SYN3: variants seen among roughly 807,000 people sequenced by gnomAD.
SYN3 encodes synapsin-3.
In SYN3, 35 loss-of-function variants were observed where a neutral mutation model predicts 65.8. The ratio of observed to expected loss-of-function variants is 0.53; its 90% CI spans 0.41 to 0.70. SYN3 has a LOEUF of 0.70. Ranked by LOEUF, SYN3 falls within the 30% of genes least tolerant of loss-of-function variation. The probability of loss-of-function intolerance (pLI) is 0.00; values close to 1 mark genes in which losing one functional copy is unlikely to be tolerated. For synonymous variants in SYN3, 270 were observed against 292.9 expected, an observed-to-expected ratio of 0.92 and a Z score of 0.80; for missense variants, 680 against 749.0, an observed-to-expected ratio of 0.91 and a Z score of 1.08.
chr22:32,972,533 T>C (rs1293752493), intron 3 of SYN3, among the ~76,000 whole-genome samples: 1 of 152,190 alleles, frequency 6.6e-6, no homozygotes, highest in Non-Finnish European at 1.5e-5. Context: ...CCCCAGATCC[T>C]TTTGCCACAT....
At chr22:32,937,334 C>T (rs1431387920) in intron 3 of SYN3, among the ~76,000 whole-genome samples, 1 of 152,156 alleles carries the variant, frequency 6.6e-6, no homozygotes, top group African/African-American at 2.4e-5. Context: ...AAATGCACCG[C>T]TAGGCTTAAC....
At chr22:32,848,657 T>C (rs1382414261) in intron 6 of SYN3, among the ~76,000 whole-genome samples, 1 of 152,138 alleles carries the variant, frequency 6.6e-6, no homozygotes, top group Non-Finnish European at 1.5e-5. Context: ...GTATCAAGAG[T>C]TTCACATTTG....
Position 32,918,873 on chromosome 22 carries a change from C to A in SYN3, c.461+12517G>T, listed in dbSNP as rs61145160. On this transcript the variant is annotated intron_variant, in intron 4 of 13. Coordinates refer to ENST00000358763, the MANE Select transcript of SYN3 (RefSeq NM_003490.4). ...GAGCTAGAAATAGGGAGTGACTGAT[C>A]GAAGGCCTTGCAGCTTGGAGAAGGC... is the stretch of plus-strand genomic sequence containing the variant. 2.6e-5 allele frequency among the ~76,000 whole-genome samples: 4 copies of A among 152,158 alleles called. No homozygotes were observed. In the South Asian group the frequency reaches 8.3e-4, roughly 32 times the overall value.
intron 6 of SYN3, among the ~76,000 whole-genome samples, chr22:32,640,445 A>G (rs2059879380): frequency 6.6e-6 from 1 of 152,216 alleles, no homozygotes; most frequent in South Asian, 2.1e-4. Flanking sequence ...CTCCTAGGCC[A>G]GCGGTTTTTA....
intron 6 of SYN3, chr22:32,860,654 C>T (rs2048510047): frequency 6.6e-6 from 1 of 152,560 alleles, no homozygotes; most frequent in Admixed American, 6.5e-5. Context: ...GGGGGCCTTT[C>T]TTTAACTGCC....
At chr22:32,569,807 A>T (rs1569048710) in intron 7 of SYN3, among the ~76,000 whole-genome samples, 1 of 152,130 alleles carries the variant, frequency 6.6e-6, no homozygotes, top group Non-Finnish European at 1.5e-5. Flanking sequence ...TGCTTCACAG[A>T]GTTACTGTGA....
chr22:33,047,917 C>A (rs2027846), intron 1 of SYN3, among the ~76,000 whole-genome samples: 12,612 of 149,074 alleles, frequency 0.085, 827 homozygotes, highest in East Asian at 0.3. Context: ...GGTAACATGA[C>A]CGATGTCACA....
intron 1 of SYN3, among the ~76,000 whole-genome samples, chr22:33,025,954 T>C (rs191836071): frequency 1.3e-5 from 2 of 152,298 alleles, no homozygotes; most frequent in East Asian, 3.9e-4. Context: ...CCCATGTTTC[T>C]ACTTGCCCTC....
chr22:32,589,959 C>T (rs1336624231), intron 7 of SYN3, among the ~76,000 whole-genome samples: 1 of 152,126 alleles, frequency 6.6e-6, no homozygotes, highest in Non-Finnish European at 1.5e-5. Context: ...TATCATCTTT[C>T]CATTCATAGA....
At chr22:33,005,851 A>C (rs1173949563) in intron 2 of SYN3, among the ~76,000 whole-genome samples, 2 of 152,230 alleles carry the variant, frequency 1.3e-5, no homozygotes, top group East Asian at 3.9e-4. Context: ...TAATCTGCCA[A>C]GTACTGCCAG....
chr22:32,517,988 C>G (rs1229453833), intron 13 of SYN3, 55 bp downstream of exon 13: 2 of 1,405,552 alleles, frequency 1.4e-6, no homozygotes. Context: ...ATCAGCCAAG[C>G]TCTGCCTACA....
chr22:32,870,107 T>C (rs1056128470), intron 4 of SYN3, among the ~76,000 whole-genome samples: 3 of 152,202 alleles, frequency 2.0e-5, no homozygotes, highest in African/African-American at 7.2e-5. Context: ...GGAGCACTTA[T>C]AACCATTTGC....
chr22:32,952,386 AAAT>A (rs1274436529), intron 3 of SYN3, among the ~76,000 whole-genome samples: 3 of 152,164 alleles, frequency 2.0e-5, no homozygotes, highest in African/African-American at 7.2e-5. Context: ...AAAAAAAATA[AAAT>A]AATAAAAACC....
At chr22:32,617,003 A>C (rs926478634) in intron 6 of SYN3, among the ~76,000 whole-genome samples, 9 of 152,170 alleles carry the variant, frequency 5.9e-5, no homozygotes, top group African/African-American at 1.7e-4. Flanking sequence ...TGGAAGGTCA[A>C]TGGAAGGCGC....
At chr22:32,547,977 C>G (rs1024426414) in intron 7 of SYN3, among the ~76,000 whole-genome samples, 7 of 152,228 alleles carry the variant, frequency 4.6e-5, no homozygotes, top group African/African-American at 1.7e-4. Flanking sequence ...GTCTGCACTT[C>G]ATCCACTTGA....
intron 6 of SYN3, chr22:32,849,562 G>A: frequency 6.2e-7 from 1 of 1,604,908 alleles, no homozygotes; most frequent in Non-Finnish European, 8.5e-7. Flanking sequence ...CCTGGCTCCG[G>A]GAAGGTTTTT....
At chr22:32,714,502 T>G (rs548831277) in intron 6 of SYN3, among the ~76,000 whole-genome samples, 1 of 152,084 alleles carries the variant, frequency 6.6e-6, no homozygotes, top group African/African-American at 2.4e-5. Context: ...TGGCATATTC[T>G]GGAATGCCAG....
chr22:32,728,481 T>G (rs2061226893), intron 6 of SYN3, among the ~76,000 whole-genome samples: 1 of 152,208 alleles, frequency 6.6e-6, no homozygotes, highest in Non-Finnish European at 1.5e-5. Flanking sequence ...GCATCTTGGT[T>G]ACTTCACATG....
At chr22:33,007,929 T>C (rs2145806413) in intron 1 of SYN3, among the ~76,000 whole-genome samples, 1 of 145,302 alleles carries the variant, frequency 6.9e-6, no homozygotes, top group East Asian at 2.0e-4. Context: ...TTGTTAAGAT[T>C]ATTATATACA....
Sources: gnomAD v4.1 joint callset for allele counts (sites outside exome capture counted in the v4.1 genomes callset) on GRCh38, gnomAD v4.1.1 for gene constraint, MANE v1.5 for transcripts, NCBI Gene and HGNC (gene_info 2026-07-23, HGNC 2026-07-21) for gene names.